FNDC1: variants seen among roughly 807,000 people sequenced by gnomAD.
FNDC1 encodes fibronectin type III domain-containing protein 1.
A neutral mutation model predicts 168.0 loss-of-function variants in FNDC1; 96 were observed. The ratio of observed to expected loss-of-function variants is 0.57; its 90% CI spans 0.48 to 0.68. The LOEUF is 0.68. Among genes scored for constraint, FNDC1 ranks in the 30% least tolerant of loss-of-function variants. The pLI, the probability that FNDC1 is intolerant of heterozygous loss-of-function variation, is 0.00. For synonymous variants in FNDC1, 1,099 were observed against 1,025.9 expected (o/e 1.07, Z -1.36); for missense variants, 2,587 against 2,482.1 (o/e 1.04, Z -0.90).
rs1420965981 is a variant in FNDC1 at position 159,233,822 on chromosome 6, G to A, written c.3310G>A (p.Ala1104Thr). The change falls in exon 11 of 23, where the codon GCT becomes ACT. Residue 1104 changes from alanine (A) to threonine (T), a missense_variant. By Grantham distance (58) the Ala-to-Thr change is moderately conservative (BLOSUM62 0). Coordinates refer to ENST00000297267, the MANE Select transcript of FNDC1 (RefSeq NM_032532.3). The surrounding 1 kb of genome is among the most constrained non-coding windows in gnomAD (Gnocchi z 4.6). ...PAHAARAKEA[A>T]ASLPKHQQVE... Reference sequence around the variant, plus strand: ...GCACGCCGCGCGCGCCAAGGAGGCAGCTGCGTCCCTTCCCAAGCACCAGCA... The same window carrying A: ...GCACGCCGCGCGCGCCAAGGAGGCAACTGCGTCCCTTCCCAAGCACCAGCA... 2.6e-6 allele frequency: 4 copies of A among 1,541,638 alleles called. No individual in the cohort carries two copies. Among genetic ancestry groups the A allele is most frequent in the Non-Finnish European group, 2.6e-6 (3 of 1,143,130 alleles).
chr6:159,206,371 C>T (rs551600209), intron 4 of FNDC1, among the ~76,000 whole-genome samples: 24 of 152,322 alleles, frequency 1.6e-4, no homozygotes, highest in African/African-American at 5.8e-4. Context: ...GTGTGCACTT[C>T]ACAGGACAAA....
chr6:159,267,696 A>G (rs2115034103), intron 21 of FNDC1, 108 bp from the exon 22 acceptor site: 1 of 1,144,814 alleles, frequency 8.7e-7, no homozygotes, highest in East Asian at 2.5e-5. Context: ...CACACAGTTT[A>G]AGTAATATGC....
At chr6:159,174,234 GGGACAGTGGT>G (rs1386354103) in intron 1 of FNDC1, among the ~76,000 whole-genome samples, 7 of 152,214 alleles carry the variant, frequency 4.6e-5, no homozygotes, top group African/African-American at 1.7e-4. Flanking sequence ...GGGTCGCTGG[GGGACAGTGGT>G]GGATACTGTT....
intron 5 of FNDC1, among the ~76,000 whole-genome samples, chr6:159,219,035 C>T (rs1180884534): frequency 7.4e-6 from 1 of 134,448 alleles, no homozygotes; most frequent in Non-Finnish European, 1.5e-5. Context: ...TTGGGAATTT[C>T]AGTTTCCCCT....
At chr6:159,197,774 CT>C in intron 2 of FNDC1, 149 bp downstream of exon 2, 1 of 656,962 alleles carries the variant, frequency 1.5e-6, no homozygotes, top group Non-Finnish European at 2.4e-6. Flanking sequence ...TTCTGAGATG[CT>C]TGTCGGAGGC....
chr6:159,226,915 C>T (rs1782967001), intron 9 of FNDC1, among the ~76,000 whole-genome samples: 3 of 152,272 alleles, frequency 2.0e-5, no homozygotes, highest in East Asian at 1.9e-4. Context: ...AGGAAGATCA[C>T]GAAAGCAGGT....
rs1783098161 is a variant in FNDC1 at position 159,232,153 on chromosome 6, T to C, written c.1641T>C (p.Gly547=). 6.2e-7 allele frequency: 1 copy of C among 1,613,774 alleles called. No homozygotes were observed. Among genetic ancestry groups the C allele is most frequent in the East Asian group, 2.2e-5 (1 of 44,856 alleles). The stretch of plus-strand genomic sequence containing the variant: ...AAATCACTGGGGAGGAGGAGCTGGG[T>C]TCCCGGGAGGACTCGCCCATGTCAC... ...STEITGEEEL[G]SREDSPMSPS... The change falls in exon 11 of 23, where the codon GGT becomes GGC. Residue 547 remains glycine (G), a synonymous_variant. Transcript: ENST00000297267. The surrounding 1 kb of genome is among the most constrained non-coding windows in gnomAD (Gnocchi z 4.9).
intron 1 of FNDC1, among the ~76,000 whole-genome samples, chr6:159,186,800 G>T (rs1411886895): frequency 6.6e-6 from 1 of 152,202 alleles, no homozygotes. Flanking sequence ...TTTAAGGATT[G>T]GCCAATGTTT....
In FNDC1 at chr6:159,233,296, C is replaced by T. The variant is rs890031830; in HGVS notation, c.2784C>T (p.Asn928=). 1 of 1,613,836 alleles carries T rather than the reference C, an allele frequency of 6.2e-7. No individual in the cohort carries two copies. The highest frequency in any genetic ancestry group is 1.7e-5 in the Admixed American group (1 of 60,000). The part of the protein sequence containing the change: ...SLHRKEPIPE[N]PKSTGADTHP... ...ATCGGAAGGAACCCATCCCAGAGAA[C>T]CCCAAATCCACAGGGGCAGATACAC... Residue 928 remains asparagine, a synonymous_variant, in exon 11 of 23, where the codon AAC becomes AAT. Transcript: ENST00000297267. The surrounding 1 kb of genome is among the most constrained non-coding windows in gnomAD (Gnocchi z 4.6).
intron 3 of FNDC1, 69 bp from the exon 4 acceptor site, chr6:159,200,444 G>A: frequency 8.9e-7 from 1 of 1,121,842 alleles, no homozygotes; most frequent in South Asian, 1.4e-5. Context: ...ATACATTATG[G>A]ATGCACTGTA....
intron 1 of FNDC1, among the ~76,000 whole-genome samples, chr6:159,192,011 A>G (rs1008436013): frequency 4.6e-5 from 7 of 152,250 alleles, no homozygotes; most frequent in Admixed American, 4.6e-4. Flanking sequence ...CTGGGACTAC[A>G]GGTGCACGAC....
rs774864203 is a variant in FNDC1, at chr6:159,261,288, TC to T, written c.5254+20del. On this transcript the variant is annotated intron_variant, in intron 19 of 22. Coordinates refer to ENST00000297267, the MANE Select transcript of FNDC1 (RefSeq NM_032532.3). ...GAATCAGGTATGAATGACTTCACAT[TC>T]TGATTTGTTTTACTTTTCGAGAAAA... is the stretch of plus-strand genomic sequence containing the variant. The T allele has an allele frequency of 7.7e-6, 12 of 1,552,844 alleles. No homozygotes were observed. The East Asian group carries it at 2.5e-4, about 32-fold the overall frequency.
At chr6:159,207,728 A>G (rs2114958347) in intron 4 of FNDC1, among the ~76,000 whole-genome samples, 1 of 152,366 alleles carries the variant, frequency 6.6e-6, no homozygotes, top group African/African-American at 2.4e-5. Context: ...AAATTGAAGT[A>G]ACCAATAGAC....
At chr6:159,198,829 C>T (rs1782309347) in intron 2 of FNDC1, among the ~76,000 whole-genome samples, 1 of 152,226 alleles carries the variant, frequency 6.6e-6, no homozygotes, top group South Asian at 2.1e-4. Context: ...GAGAAAGTGT[C>T]TGGCGAAGCA....
intron 2 of FNDC1, among the ~76,000 whole-genome samples, chr6:159,198,212 CCT>C (rs1782292296): frequency 6.6e-6 from 1 of 152,202 alleles, no homozygotes. Context: ...GCCTCTGAAT[CCT>C]CTGTCTTCTA....
At chr6:159,198,387 G>C (rs1365099342) in intron 2 of FNDC1, among the ~76,000 whole-genome samples, 2 of 152,190 alleles carry the variant, frequency 1.3e-5, no homozygotes, top group African/African-American at 2.4e-5. Flanking sequence ...GGGCTCCTCA[G>C]CTTTGGTCCC....
At chr6:159,261,868 A>G (rs1777491898) in intron 19 of FNDC1, among the ~76,000 whole-genome samples, 1 of 152,218 alleles carries the variant, frequency 6.6e-6, no homozygotes, top group Non-Finnish European at 1.5e-5. Flanking sequence ...TTGGGAAGCC[A>G]AGGTGGGATG....
chr6:159,215,776 T>C (rs447971), intron 5 of FNDC1, among the ~76,000 whole-genome samples: 73,407 of 151,944 alleles, frequency 0.48, 20,159 homozygotes, highest in African/African-American at 0.75. Flanking sequence ...AGGAGAAGGA[T>C]GTAGGCTGGG....
At chr6:159,221,141 T>G (rs2114975231) in intron 5 of FNDC1, among the ~76,000 whole-genome samples, 1 of 152,390 alleles carries the variant, frequency 6.6e-6, no homozygotes, top group South Asian at 2.1e-4. Context: ...CTACTCATGT[T>G]GCACATTGGC....
Sources: allele counts gnomAD v4.1 joint callset (sites outside exome capture counted in the v4.1 genomes callset), GRCh38; gene constraint gnomAD v4.1.1; non-coding constraint Gnocchi (gnomAD v3.1); transcripts MANE v1.5; gene names NCBI Gene and HGNC (gene_info 2026-07-23, HGNC 2026-07-21).